Variants in DORIP1 observed in about 807,000 individuals in gnomAD.
DORIP1 encodes the protein dopamine receptor-interacting protein 1.
chr14:44,903,683 T>C, the DORIP1 span: 7 of 982,380 alleles, frequency 7.1e-6, no homozygotes, highest in East Asian at 3.4e-4. Flanking sequence ...CCCAATCTCT[T>C]AAAATTTTCT....
At chr14:44,904,291 AATAG>A in the DORIP1 span, 2 of 1,495,592 alleles carry the variant, frequency 1.3e-6, no homozygotes, top group Non-Finnish European at 1.8e-6. Flanking sequence ...CTACACCTAT[AATAG>A]ATAATTATAA....
chr14:44,900,878 C>G, the DORIP1 span: 1 of 1,613,856 alleles, frequency 6.2e-7, no homozygotes, highest in Non-Finnish European at 8.5e-7. Context: ...AATCTCATGT[C>G]TACCATTCAA....
chr14:44,900,624 G>T, the DORIP1 span: 1 of 1,609,604 alleles, frequency 6.2e-7, no homozygotes. Context: ...ATGGATTCTT[G>T]ATGTTATTAT....
chr14:44,902,947 CAA>C, the DORIP1 span, among the ~76,000 whole-genome samples: 65 of 152,062 alleles, frequency 4.3e-4, no homozygotes, highest in South Asian at 1.0e-3. Flanking sequence ...AATCTTCTCA[CAA>C]ATGTTTTAAA....
the DORIP1 span, among the ~76,000 whole-genome samples, chr14:44,899,823 A>ATTTTTTTTTTTTTTTTTTTTTTTT: frequency 2.2e-5 from 3 of 134,396 alleles, 1 homozygote; most frequent in African/African-American, 1.0e-4. Context: ...TTCATTTAGG[A>ATTTTTTTTTTTTTTTTTTTTTTTT]ATTTTTTTTT....
the DORIP1 span, among the ~76,000 whole-genome samples, chr14:44,899,909 G>A: frequency 9.8e-5 from 13 of 132,120 alleles, no homozygotes; most frequent in Non-Finnish European, 1.4e-4. Context: ...TCGGCTCACC[G>A]CAACCTCCGC....
the DORIP1 span, chr14:44,905,397 C>A: frequency 6.5e-7 from 1 of 1,540,434 alleles, no homozygotes; most frequent in Non-Finnish European, 8.8e-7. Flanking sequence ...CATTATTTAA[C>A]AAAGAGGAAC....
the DORIP1 span, chr14:44,903,388 T>C: frequency 2.7e-6 from 4 of 1,499,550 alleles, no homozygotes; most frequent in South Asian, 5.3e-5. Flanking sequence ...TTATGAATCT[T>C]ATTAACCTAG....
chr14:44,903,730 G>C, the DORIP1 span: 1 of 963,876 alleles, frequency 1.0e-6, no homozygotes, highest in Non-Finnish European at 1.2e-6. Flanking sequence ...TTAATATTTA[G>C]AAGGATGATC....
chr14:44,904,697 A>G, the DORIP1 span: 1 of 708,162 alleles, frequency 1.4e-6, no homozygotes, highest in Non-Finnish European at 2.1e-6. Flanking sequence ...GTCAGTTACT[A>G]GCAGTGCACA....
chr14:44,897,492 G>A, the DORIP1 span: 11 of 204,374 alleles, frequency 5.4e-5, no homozygotes, highest in East Asian at 3.3e-4. Flanking sequence ...CGGCGGCGGC[G>A]GCAGCCCGGG....
At chr14:44,903,069 A>G in the DORIP1 span, 8 of 566,536 alleles carry the variant, frequency 1.4e-5, no homozygotes, top group African/African-American at 3.7e-5. Context: ...TATCTGCAAG[A>G]AATTCTGAAT....
chr14:44,901,922 A>C, the DORIP1 span, among the ~76,000 whole-genome samples: 1 of 152,192 alleles, frequency 6.6e-6, no homozygotes, highest in African/African-American at 2.4e-5. Context: ...GAGTGTTGGG[A>C]AACGTTAAAG....
chr14:44,901,619 A>C, the DORIP1 span, among the ~76,000 whole-genome samples: 70 of 152,360 alleles, frequency 4.6e-4, no homozygotes, highest in Admixed American at 1.2e-3. Context: ...AACCTCTTTA[A>C]GAGCGCTTAA....
At chr14:44,905,124 AC>A in the DORIP1 span, 1 of 322,896 alleles carries the variant, frequency 3.1e-6, no homozygotes, top group Non-Finnish European at 5.5e-6. Context: ...AAGTTTTCTT[AC>A]GTGTTTACTC....
chr14:44,903,593 C>G, the DORIP1 span: 53 of 1,028,824 alleles, frequency 5.2e-5, no homozygotes, highest in Non-Finnish European at 5.8e-5. Context: ...TTTTTCTGCA[C>G]TCTCCATTTA....
chr14:44,904,452 T>G, the DORIP1 span: 31 of 1,612,208 alleles, frequency 1.9e-5, no homozygotes, highest in Non-Finnish European at 2.5e-5. Context: ...CACCCCCTTT[T>G]GTTGTCTTAA....
At chr14:44,905,735 T>A in the DORIP1 span, 1 of 366,948 alleles carries the variant, frequency 2.7e-6, no homozygotes, top group African/African-American at 2.1e-5. Context: ...ATGTTTGTAA[T>A]TTTTTTATAT....
chr14:44,900,734 G>A, the DORIP1 span: 2 of 1,614,058 alleles, frequency 1.2e-6, no homozygotes, highest in Non-Finnish European at 1.7e-6. Context: ...GACACCTACA[G>A]TTTTACAACT....
Sources: allele counts gnomAD v4.1 joint callset (sites outside exome capture counted in the v4.1 genomes callset), GRCh38; gene constraint gnomAD v4.1.1; transcripts MANE v1.5; gene names NCBI Gene and HGNC (gene_info 2026-07-23, HGNC 2026-07-21).